The following NKAIN2 variants were observed in gnomAD, a reference collection of about 807,000 sequenced individuals.
NKAIN2 encodes the protein sodium/potassium transporting ATPase interacting 2.
NKAIN2 carries 14 observed loss-of-function variants against 32.6 expected under a neutral mutation model. That is an observed-to-expected ratio of 0.43 (90% CI 0.28 to 0.67). NKAIN2 has a LOEUF of 0.67. NKAIN2 is among the 30% of genes least tolerant of loss of function. NKAIN2 has a pLI of 0.17. For missense variants in NKAIN2, 198 were observed against 258.3 expected, an observed-to-expected ratio of 0.77 and a Z score of 1.60; for synonymous variants, 80 against 87.2, an observed-to-expected ratio of 0.92 and a Z score of 0.46.
rs150734916 is a variant in NKAIN2, at chr6:124,037,780, A to G, written c.54+233526A>G. Reference sequence around the variant, plus strand: ...AATAGCTATGGATCCTTGAAATTCTATAATTTTCTGAGATTATGATAGAAC... The same window carrying G: ...AATAGCTATGGATCCTTGAAATTCTGTAATTTTCTGAGATTATGATAGAAC... On this transcript the variant is annotated intron_variant, in intron 1 of 6. Transcript: ENST00000368417. 1.4e-3 allele frequency among the ~76,000 whole-genome samples: 206 copies of G among 152,268 alleles called. 1 individual carries two copies. The highest frequency in any genetic ancestry group is 4.7e-3 in the African/African-American group (197 of 41,584).
intron 1 of NKAIN2, among the ~76,000 whole-genome samples, chr6:124,232,078 G>A (rs556861348): frequency 1.0e-3 from 152 of 152,006 alleles, no homozygotes; most frequent in Non-Finnish European, 1.7e-3. Flanking sequence ...AACTTTTTAA[G>A]AATCGGTCGA....
intron 4 of NKAIN2, among the ~76,000 whole-genome samples, chr6:124,745,624 T>A (rs543703704): frequency 6.6e-6 from 1 of 151,764 alleles, no homozygotes. Flanking sequence ...TTCGCTGAGA[T>A]CTCTGTTTAA....
chr6:124,572,493 G>A (rs370530924), intron 3 of NKAIN2, among the ~76,000 whole-genome samples: 32 of 152,148 alleles, frequency 2.1e-4, no homozygotes, highest in African/African-American at 7.5e-4. Context: ...TAATCTTTCC[G>A]GTAAATTATT....
intron 3 of NKAIN2, among the ~76,000 whole-genome samples, chr6:124,500,518 A>G (rs568539175): frequency 3.4e-4 from 51 of 151,812 alleles, no homozygotes; most frequent in Non-Finnish European, 5.2e-4. Context: ...GCTGGGCGCA[A>G]TTGCTCATGG....
chr6:124,367,323 G>T (rs73573070), intron 3 of NKAIN2, among the ~76,000 whole-genome samples: 1,688 of 152,202 alleles, frequency 0.011, 31 homozygotes, highest in African/African-American at 0.039. Context: ...TATGAACAAT[G>T]CTCACTGGAA....
At chr6:124,705,859 A>G (rs899823706) in intron 4 of NKAIN2, among the ~76,000 whole-genome samples, 3 of 152,098 alleles carry the variant, frequency 2.0e-5, no homozygotes, top group Admixed American at 6.6e-5. Context: ...TTTAAAACAG[A>G]CAGTCAAAGA....
intron 3 of NKAIN2, among the ~76,000 whole-genome samples, chr6:124,368,408 TC>T (rs1799612341): frequency 2.0e-5 from 3 of 152,140 alleles, no homozygotes; most frequent in Non-Finnish European, 4.4e-5. Flanking sequence ...ATTTGTACTT[TC>T]TTACTTTGAC....
chr6:124,298,904 T>G (rs1796176194), intron 2 of NKAIN2, among the ~76,000 whole-genome samples: 1 of 152,214 alleles, frequency 6.6e-6, no homozygotes, highest in Non-Finnish European at 1.5e-5. Context: ...GCTAATGATG[T>G]ATCAAGGATC....
chr6:124,707,215 C>T (rs1205265154), intron 4 of NKAIN2, among the ~76,000 whole-genome samples: 3 of 152,040 alleles, frequency 2.0e-5, no homozygotes, highest in Admixed American at 6.6e-5. Flanking sequence ...GTATATGTGC[C>T]ACATTTTCTT....
At chr6:123,943,668 C>T (rs1241450047) in intron 1 of NKAIN2, among the ~76,000 whole-genome samples, 1 of 152,046 alleles carries the variant, frequency 6.6e-6, no homozygotes, top group Non-Finnish European at 1.5e-5. Context: ...TACTGCTAGT[C>T]TTTTTCTATG....
At chr6:123,860,833 T>C (rs567253351) in intron 1 of NKAIN2, among the ~76,000 whole-genome samples, 6 of 152,346 alleles carry the variant, frequency 3.9e-5, no homozygotes, top group Non-Finnish European at 7.3e-5. Flanking sequence ...TCTCATGTCA[T>C]GTCTCCTTGC....
chr6:123,959,664 T>A (rs1156379692), intron 1 of NKAIN2, among the ~76,000 whole-genome samples: 2 of 152,252 alleles, frequency 1.3e-5, no homozygotes, highest in Non-Finnish European at 2.9e-5. Context: ...ATATATTAAT[T>A]GAACTCTATG....
rs149126202 is a variant in NKAIN2, at chr6:124,457,738, C to T, written c.273+102391C>T. 5.1e-3 allele frequency among the ~76,000 whole-genome samples: 771 copies of T among 152,038 alleles called. 5 individuals are homozygous for T. Among genetic ancestry groups the T allele is most frequent in the African/African-American group, 0.016 (678 of 41,514 alleles). On this transcript the variant is annotated intron_variant, in intron 3 of 6. Transcript: ENST00000368417. ...TTCTCATGATGGCCCCACATACTCA[C>T]GTATTCATTCAAAGTGTTATTACTT...
At chr6:124,602,868 C>T (rs1478342350) in intron 3 of NKAIN2, among the ~76,000 whole-genome samples, 1 of 151,888 alleles carries the variant, frequency 6.6e-6, no homozygotes, top group Non-Finnish European at 1.5e-5. Context: ...CTATGTCCAC[C>T]ATGACCTTAT....
intron 1 of NKAIN2, among the ~76,000 whole-genome samples, chr6:124,143,575 A>T (rs1787246253): frequency 6.6e-6 from 1 of 152,230 alleles, no homozygotes; most frequent in African/African-American, 2.4e-5. Flanking sequence ...TCTACCTAAA[A>T]TCTACAGTTA....
chr6:124,625,849 T>G (rs1330180410), intron 3 of NKAIN2, among the ~76,000 whole-genome samples: 1 of 151,934 alleles, frequency 6.6e-6, no homozygotes, highest in Non-Finnish European at 1.5e-5. Flanking sequence ...AGTCAAACAG[T>G]GTGTTTCGTT....
At chr6:124,713,036 C>G (rs1399649650) in intron 4 of NKAIN2, among the ~76,000 whole-genome samples, 1 of 151,894 alleles carries the variant, frequency 6.6e-6, no homozygotes, top group African/African-American at 2.4e-5. Flanking sequence ...GAGAGCATAA[C>G]TAATATGTTG....
At chr6:123,960,392 C>G (rs1393310707) in intron 1 of NKAIN2, among the ~76,000 whole-genome samples, 2 of 152,116 alleles carry the variant, frequency 1.3e-5, no homozygotes, top group Non-Finnish European at 2.9e-5. Context: ...TATGTTCTCT[C>G]CAGGATGTAC....
intron 1 of NKAIN2, among the ~76,000 whole-genome samples, chr6:123,807,859 G>T (rs1197117817): frequency 6.6e-6 from 1 of 152,146 alleles, no homozygotes; most frequent in Non-Finnish European, 1.5e-5. Flanking sequence ...ATGAAATATT[G>T]TTAACTTGGA....
Sources: gnomAD v4.1 joint callset for allele counts (sites outside exome capture counted in the v4.1 genomes callset) on GRCh38, gnomAD v4.1.1 for gene constraint, MANE v1.5 for transcripts, NCBI Gene and HGNC (gene_info 2026-07-23, HGNC 2026-07-21) for gene names.